Variants in MEMO1 observed in about 807,000 individuals in gnomAD.
The protein encoded by MEMO1 is mediator of cell motility 1, also known as protein MEMO1.
In MEMO1, 6 loss-of-function variants were observed where a neutral mutation model predicts 45.2. The observed-to-expected ratio is 0.13, with a 90% CI of 0.07 to 0.26. MEMO1 has a LOEUF of 0.26. Among genes scored for constraint, MEMO1 ranks in the 10% least tolerant of loss-of-function variants. The pLI, the probability that MEMO1 is intolerant of heterozygous loss-of-function variation, is 1.00. For synonymous variants in MEMO1, 78 were observed against 124.3 expected (o/e 0.63, Z 2.48); for missense variants, 184 against 370.5 (o/e 0.50, Z 4.13).
At chr2:31,946,688 C>T (rs1412777759) in intron 2 of MEMO1, among the ~76,000 whole-genome samples, 2 of 151,872 alleles carry the variant, frequency 1.3e-5, no homozygotes, top group Admixed American at 6.6e-5. Context: ...ATGGTGACAC[C>T]CCATCTCTAC....
intron 8 of MEMO1, among the ~76,000 whole-genome samples, chr2:31,873,356 A>G (rs1427438070): frequency 6.6e-6 from 1 of 152,142 alleles, no homozygotes; most frequent in Non-Finnish European, 1.5e-5. Flanking sequence ...ACAAATCCAC[A>G]AATTGAAAGC....
intron 2 of MEMO1, among the ~76,000 whole-genome samples, chr2:31,957,829 T>C (rs1000878633): frequency 1.1e-4 from 16 of 152,256 alleles, no homozygotes; most frequent in African/African-American, 3.9e-4. Flanking sequence ...TAAGTTAAAT[T>C]GCCTTCTGAA....
intron 2 of MEMO1, among the ~76,000 whole-genome samples, chr2:31,995,365 C>T (rs1268912647): frequency 6.6e-6 from 1 of 151,960 alleles, no homozygotes; most frequent in African/African-American, 2.4e-5. Flanking sequence ...GAGGCAGGCA[C>T]ATCGCTTGAA....
intron 9 of MEMO1, among the ~76,000 whole-genome samples, chr2:31,869,089 C>T (rs1673288626): frequency 6.6e-6 from 1 of 151,946 alleles, no homozygotes; most frequent in Non-Finnish European, 1.5e-5. Context: ...AGAAGAAAAA[C>T]CCTTCTTAAA....
intron 6 of MEMO1, among the ~76,000 whole-genome samples, chr2:31,903,487 C>A (rs1169545149): frequency 6.6e-6 from 1 of 152,120 alleles, no homozygotes; most frequent in Non-Finnish European, 1.5e-5. Flanking sequence ...AAAATATATT[C>A]TAATCTTCTC....
intron 2 of MEMO1, among the ~76,000 whole-genome samples, chr2:31,973,736 A>AT: frequency 6.6e-6 from 1 of 152,368 alleles, no homozygotes; most frequent in Admixed American, 6.5e-5. Context: ...ATACAATACC[A>AT]TATCATTTAT....
At chr2:31,956,158 C>T (rs1454289209) in intron 2 of MEMO1, among the ~76,000 whole-genome samples, 1 of 152,022 alleles carries the variant, frequency 6.6e-6, no homozygotes, top group Non-Finnish European at 1.5e-5. Flanking sequence ...TAGCATATTT[C>T]TTTTTTCTTC....
intron 2 of MEMO1, among the ~76,000 whole-genome samples, chr2:31,952,949 T>C (rs947607467): frequency 2.6e-5 from 4 of 152,224 alleles, no homozygotes; most frequent in African/African-American, 9.6e-5. Context: ...AAATAATATT[T>C]CCTTGTGTGA....
At chr2:31,974,130 A>G (rs1296612800) in intron 2 of MEMO1, among the ~76,000 whole-genome samples, 1 of 152,102 alleles carries the variant, frequency 6.6e-6, no homozygotes, top group East Asian at 1.9e-4. Flanking sequence ...TAACAGTTTA[A>G]TATCATGGAT....
At chr2:31,934,874 T>C (rs766059215) in intron 3 of MEMO1, among the ~76,000 whole-genome samples, 15 of 152,176 alleles carry the variant, frequency 9.9e-5, no homozygotes, top group Non-Finnish European at 2.2e-4. Flanking sequence ...GAGGTACTAA[T>C]GTCATGGTCT....
In MEMO1 at chr2:32,002,131, C is replaced by T. The variant is rs372806701; in HGVS notation, c.61+8056G>A. ...GTGCCCTCCAGCCTGGGCAACACAG[C>T]GAGACTCTGTCTCAAAAAAAAAAAA... is the stretch of plus-strand genomic sequence containing the variant. On this transcript the variant is annotated intron_variant, in intron 2 of 9. Coordinates refer to ENST00000404530, the MANE Select transcript of MEMO1 (RefSeq NM_001301833.4). 9.0e-5 allele frequency among the ~76,000 whole-genome samples: 10 copies of T among 110,640 alleles called. No homozygotes were observed. The East Asian group carries it at 2.3e-3, about 25-fold the overall frequency. 72.6% of individuals were successfully genotyped at this position (110,640 alleles called of 152,430 possible). A position where few individuals can be genotyped will look rare whatever the true frequency, so the allele number is the denominator to read the frequency against.
intron 6 of MEMO1, among the ~76,000 whole-genome samples, chr2:31,914,366 C>T (rs533520590): frequency 1.3e-5 from 2 of 152,126 alleles, no homozygotes; most frequent in South Asian, 4.2e-4. Flanking sequence ...TAGTGGAGGG[C>T]TAAAGGGTAG....
chr2:31,926,613 C>A (rs150476862), intron 4 of MEMO1, among the ~76,000 whole-genome samples: 1 of 151,996 alleles, frequency 6.6e-6, no homozygotes, highest in African/African-American at 2.4e-5. Context: ...CTTTGGGAGG[C>A]CGAGGTGGGT....
At chr2:31,962,177 G>A (rs1467429828) in intron 2 of MEMO1, among the ~76,000 whole-genome samples, 3 of 152,118 alleles carry the variant, frequency 2.0e-5, no homozygotes, top group African/African-American at 7.2e-5. Context: ...TTGAGTCCAG[G>A]AGGTCGAGAC....
At chr2:31,992,583 A>G (rs1260563684) in intron 2 of MEMO1, among the ~76,000 whole-genome samples, 7 of 152,232 alleles carry the variant, frequency 4.6e-5, no homozygotes, top group Admixed American at 4.6e-4. Flanking sequence ...CAGGAGTTCG[A>G]GACCAGCCTG....
At chr2:31,914,430 G>A (rs916623499) in intron 6 of MEMO1, among the ~76,000 whole-genome samples, 5 of 152,150 alleles carry the variant, frequency 3.3e-5, no homozygotes, top group African/African-American at 1.2e-4. Flanking sequence ...GTATTTGGTA[G>A]CACAACAGGG....
intron 4 of MEMO1, among the ~76,000 whole-genome samples, chr2:31,925,854 G>C (rs574790672): frequency 6.6e-6 from 1 of 152,212 alleles, no homozygotes; most frequent in South Asian, 2.1e-4. Context: ...TCTCGAGTAG[G>C]TATCTTTTTA....
At chr2:31,962,700 A>G (rs1440988364) in intron 2 of MEMO1, among the ~76,000 whole-genome samples, 1 of 152,226 alleles carries the variant, frequency 6.6e-6, no homozygotes, top group African/African-American at 2.4e-5. Flanking sequence ...TTCATCATCA[A>G]AAGTATCATC....
chr2:31,997,616 C>A (rs888171827), intron 2 of MEMO1, among the ~76,000 whole-genome samples: 3 of 152,124 alleles, frequency 2.0e-5, no homozygotes, highest in African/African-American at 7.2e-5. Context: ...CTGAAAAAGT[C>A]CTAAAGCAGG....
Sources: allele counts gnomAD v4.1 joint callset (sites outside exome capture counted in the v4.1 genomes callset), GRCh38; gene constraint gnomAD v4.1.1; transcripts MANE v1.5; gene names NCBI Gene and HGNC (gene_info 2026-07-23, HGNC 2026-07-21).